ARHGAP15: variants seen among roughly 807,000 people sequenced by gnomAD.
ARHGAP15 encodes the protein Rho GTPase activating protein 15.
ARHGAP15 carries 51 observed loss-of-function variants against 63.7 expected under a neutral mutation model. That is an observed-to-expected ratio of 0.80 (90% CI 0.64 to 1.01). ARHGAP15 has a LOEUF of 1.01. ARHGAP15 is among the 50% of genes least tolerant of loss of function. The pLI is 0.00. For missense variants in ARHGAP15, 560 were observed against 564.6 expected, an observed-to-expected ratio of 0.99 and a Z score of 0.08; for synonymous variants, 191 against 193.8, an observed-to-expected ratio of 0.99 and a Z score of 0.12.
intron 10 of ARHGAP15, among the ~76,000 whole-genome samples, chr2:143,553,043 G>A (rs1302612224): frequency 1.3e-5 from 2 of 152,172 alleles, no homozygotes; most frequent in Non-Finnish European, 2.9e-5. Flanking sequence ...GGTTTGGTTT[G>A]GCATAACTTT....
chr2:143,381,933 ATC>A (rs1198510372), intron 6 of ARHGAP15, among the ~76,000 whole-genome samples: 1 of 152,058 alleles, frequency 6.6e-6, no homozygotes, highest in East Asian at 1.9e-4. Context: ...CCTTTTTGAT[ATC>A]TCTCTTTGTA....
At chr2:143,131,291 C>A (rs898181427) in intron 1 of ARHGAP15, among the ~76,000 whole-genome samples, 2 of 152,082 alleles carry the variant, frequency 1.3e-5, no homozygotes, top group Admixed American at 1.3e-4. Context: ...CAGTTAATTG[C>A]AAATAAGTTA....
chr2:143,410,988 G>A (rs1421072987), intron 6 of ARHGAP15, among the ~76,000 whole-genome samples: 1 of 152,140 alleles, frequency 6.6e-6, no homozygotes, highest in Admixed American at 6.5e-5. Context: ...CGGATCACCT[G>A]AGGTCAGGAG....
chr2:143,362,232 T>G (rs530732947), intron 6 of ARHGAP15, among the ~76,000 whole-genome samples: 86 of 152,180 alleles, frequency 5.7e-4, no homozygotes, highest in Non-Finnish European at 8.8e-5. Context: ...ATTGTCTGTT[T>G]CCCTGTGTCT....
intron 11 of ARHGAP15, among the ~76,000 whole-genome samples, chr2:143,577,139 T>C (rs1696710178): frequency 6.6e-6 from 1 of 152,110 alleles, no homozygotes; most frequent in Non-Finnish European, 1.5e-5. Flanking sequence ...TTAAGACAAA[T>C]TCTTAGGCCC....
At chr2:143,200,261 A>G (rs1692055708) in intron 2 of ARHGAP15, among the ~76,000 whole-genome samples, 2 of 152,048 alleles carry the variant, frequency 1.3e-5, no homozygotes, top group South Asian at 4.1e-4. Context: ...TGAAGCGAAC[A>G]TTGGGGAAAA....
chr2:143,398,046 A>T (rs937199561), intron 6 of ARHGAP15, among the ~76,000 whole-genome samples: 1 of 152,064 alleles, frequency 6.6e-6, no homozygotes, highest in African/African-American at 2.4e-5. Context: ...TAAAAGTTTC[A>T]CTATTGTACA....
chr2:143,318,196 CAG>C (rs1683814628), intron 6 of ARHGAP15, among the ~76,000 whole-genome samples: 1 of 151,432 alleles, frequency 6.6e-6, no homozygotes, highest in African/African-American at 2.4e-5. Flanking sequence ...TTAGTAGAGA[CAG>C]GGTTTCACCA....
intron 13 of ARHGAP15, among the ~76,000 whole-genome samples, chr2:143,752,311 A>G (rs1436725506): frequency 1.3e-5 from 2 of 152,196 alleles, no homozygotes; most frequent in Non-Finnish European, 2.9e-5. Context: ...TAGAATATCA[A>G]CGATGCTTAG....
At chr2:143,203,099 T>A (rs1484784966) in intron 3 of ARHGAP15, among the ~76,000 whole-genome samples, 1 of 152,128 alleles carries the variant, frequency 6.6e-6, no homozygotes, top group Non-Finnish European at 1.5e-5. Flanking sequence ...TACAGGATAT[T>A]GCACTATGAT....
intron 12 of ARHGAP15, among the ~76,000 whole-genome samples, chr2:143,698,621 G>A (rs1172089162): frequency 2.6e-5 from 4 of 152,094 alleles, no homozygotes; most frequent in East Asian, 1.9e-4. Flanking sequence ...GGAAAAAAAC[G>A]AAGCACTATA....
intron 5 of ARHGAP15, among the ~76,000 whole-genome samples, chr2:143,246,649 C>T (rs911247887): frequency 4.0e-5 from 6 of 151,614 alleles, no homozygotes; most frequent in African/African-American, 9.7e-5. Context: ...CAGATGAGAG[C>T]GATATCCTTG....
intron 6 of ARHGAP15, among the ~76,000 whole-genome samples, chr2:143,390,528 G>A: frequency 6.6e-6 from 1 of 152,134 alleles, no homozygotes; most frequent in East Asian, 1.9e-4. Flanking sequence ...TCGCTGAAGT[G>A]ATGAAGATGT....
intron 13 of ARHGAP15, among the ~76,000 whole-genome samples, chr2:143,765,809 G>C (rs1346427909): frequency 6.6e-6 from 1 of 152,062 alleles, no homozygotes; most frequent in Non-Finnish European, 1.5e-5. Context: ...TGGGCAGTCT[G>C]GGTCAGTGTC....
At chr2:143,544,893 C>T (rs1695261041) in intron 10 of ARHGAP15, among the ~76,000 whole-genome samples, 1 of 152,204 alleles carries the variant, frequency 6.6e-6, no homozygotes, top group Non-Finnish European at 1.5e-5. Context: ...TTCTCCTGTA[C>T]TCTCAAAAAG....
At chr2:143,745,817 C>T (rs1686142499) in intron 13 of ARHGAP15, among the ~76,000 whole-genome samples, 1 of 152,088 alleles carries the variant, frequency 6.6e-6, no homozygotes, top group African/African-American at 2.4e-5. Context: ...TTCTTCTGCC[C>T]AACTGTCTGA....
intron 8 of ARHGAP15, among the ~76,000 whole-genome samples, chr2:143,458,606 G>A (rs1472880683): frequency 6.6e-6 from 1 of 152,172 alleles, no homozygotes; most frequent in African/African-American, 2.4e-5. Flanking sequence ...TTCAAATGGG[G>A]AACTTGAGAA....
intron 6 of ARHGAP15, among the ~76,000 whole-genome samples, chr2:143,366,971 G>C (rs1287859388): frequency 6.6e-6 from 1 of 151,988 alleles, no homozygotes. Flanking sequence ...AAAGTGTCCT[G>C]TATCATAATT....
intron 2 of ARHGAP15, among the ~76,000 whole-genome samples, chr2:143,183,636 C>T (rs114199315): frequency 0.011 from 1,674 of 151,738 alleles, 31 homozygotes; most frequent in African/African-American, 0.039. Flanking sequence ...AGTTTCAGGC[C>T]GAGTGTGAGA....
Sources: gnomAD v4.1 joint callset for allele counts (sites outside exome capture counted in the v4.1 genomes callset) on GRCh38, gnomAD v4.1.1 for gene constraint, MANE v1.5 for transcripts, NCBI Gene and HGNC (gene_info 2026-07-23, HGNC 2026-07-21) for gene names.